The following ELP3 variants were observed in gnomAD, a reference collection of about 807,000 sequenced individuals.
ELP3 encodes the protein elongator acetyltransferase complex subunit 3.
Under a neutral mutation model 74.9 loss-of-function variants are expected in ELP3, and 56 were observed. The ratio of observed to expected loss-of-function variants is 0.75; its 90% CI spans 0.60 to 0.93. The LOEUF (loss-of-function observed/expected upper bound fraction) is 0.93, where lower values mean the gene tolerates loss of function less well. ELP3 is among the 40% of genes least tolerant of loss of function. The probability of loss-of-function intolerance (pLI) is 0.00; values close to 1 mark genes in which losing one functional copy is unlikely to be tolerated. For synonymous variants in ELP3, 222 were observed against 239.8 expected, an observed-to-expected ratio of 0.93 and a Z score of 0.68; for missense variants, 573 against 686.5, an observed-to-expected ratio of 0.83 and a Z score of 1.85.
chr8:28,132,166 A>C, intron 8 of ELP3, 112 bp from the exon 9 acceptor site: 21 of 1,133,710 alleles, frequency 1.9e-5, no homozygotes, highest in Non-Finnish European at 2.4e-5. Context: ...TACCTGTCTC[A>C]GAGATTGTTT....
At chr8:28,093,309 G>T in intron 1 of ELP3, 76 bp downstream of exon 1, 2 of 1,583,514 alleles carry the variant, frequency 1.3e-6, no homozygotes, top group Admixed American at 1.8e-5. Flanking sequence ...ATGCTGAACC[G>T]AACTTTTACC....
In ELP3 at chr8:28,129,530, A is replaced by G. The variant is rs1438573385; in HGVS notation, c.646A>G (p.Ile216Val). Reference protein sequence around the residue: ...KYSERSLTKCIGITIETRPDY... With the variant: ...KYSERSLTKCVGITIETRPDY... The stretch of plus-strand genomic sequence containing the variant: ...TTCTGAGAGAAGCCTCACAAAGTGT[A>G]TTGGAATTACTATTGAAACCAGACC... Residue 216 changes from isoleucine (I) to valine (V), a missense_variant, in exon 8 of 15, where the codon ATT (isoleucine) becomes GTT (valine). Coordinates refer to ENST00000256398, the MANE Select transcript of ELP3 (RefSeq NM_018091.6). 1 of 1,614,074 alleles carries G rather than the reference A, an allele frequency of 6.2e-7. No homozygotes were observed. Among genetic ancestry groups the G allele is most frequent in the Non-Finnish European group, 8.5e-7 (1 of 1,180,002 alleles).
chr8:28,094,061 G>A lies in ELP3; in HGVS notation c.19+828G>A, dbSNP rs1212312526. ...ATCCCTATGCTTCTTGACATTAACT[G>A]TTATTTTTCTTTCTTCCAAGCAACA... On this transcript the variant is annotated intron_variant, in intron 1 of 14. Transcript: ENST00000256398. Among the ~76,000 whole-genome samples the A allele has an allele frequency of 6.6e-5, 10 of 152,296 alleles. No individual in the cohort carries two copies. In the East Asian group the frequency reaches 1.9e-3, roughly 29 times the overall value.
intron 7 of ELP3, among the ~76,000 whole-genome samples, chr8:28,124,528 T>G (rs1812498682): frequency 6.6e-6 from 1 of 152,218 alleles, no homozygotes; most frequent in Non-Finnish European, 1.5e-5. Flanking sequence ...AACCACTTTC[T>G]GACAATCATT....
intron 3 of ELP3, among the ~76,000 whole-genome samples, chr8:28,103,613 A>T (rs1179425969): frequency 6.6e-6 from 1 of 152,224 alleles, no homozygotes; most frequent in African/African-American, 2.4e-5. Context: ...ACTTTGTAAA[A>T]AACTGCAAAC....
chr8:28,177,639 A>G (rs555410535), intron 14 of ELP3, among the ~76,000 whole-genome samples: 2 of 152,348 alleles, frequency 1.3e-5, no homozygotes, highest in Admixed American at 1.3e-4. Context: ...GGCTGTGAGA[A>G]TGTGATGTGG....
chr8:28,157,150 G>A (rs1813860658), intron 11 of ELP3, among the ~76,000 whole-genome samples: 1 of 152,050 alleles, frequency 6.6e-6, no homozygotes, highest in Non-Finnish European at 1.5e-5. Context: ...CATAAGCCTT[G>A]TTAGCCTCTA....
chr8:28,160,748 G>A (rs1384526631), intron 13 of ELP3, among the ~76,000 whole-genome samples: 1 of 151,510 alleles, frequency 6.6e-6, no homozygotes, highest in African/African-American at 2.4e-5. Flanking sequence ...AGGCCAGAGT[G>A]CAGTGGCGTG....
chr8:28,107,765 C>A, intron 4 of ELP3, 148 bp from the exon 5 acceptor site: 1 of 597,026 alleles, frequency 1.7e-6, no homozygotes, highest in Non-Finnish European at 3.0e-6. Flanking sequence ...ACATTATTTA[C>A]AGATACTGCA....
intron 6 of ELP3, 197 bp downstream of exon 6, chr8:28,110,635 T>C: frequency 1.9e-6 from 1 of 512,958 alleles, no homozygotes; most frequent in Non-Finnish European, 3.4e-6. Flanking sequence ...CTTTAAAGAC[T>C]GTATTTATTG....
chr8:28,160,588 A>G, intron 13 of ELP3, 132 bp downstream of exon 13: 1 of 758,060 alleles, frequency 1.3e-6, no homozygotes, highest in Non-Finnish European at 2.1e-6. Context: ...GAAACAGAGG[A>G]GCCAGTGTTT....
chr8:28,173,387 G>A (rs1011307285), intron 14 of ELP3, among the ~76,000 whole-genome samples: 8 of 151,796 alleles, frequency 5.3e-5, no homozygotes, highest in African/African-American at 7.2e-5. Context: ...ACATGTTGGC[G>A]TACAGTTGTT....
At chr8:28,152,317 T>C (rs766447045) in intron 10 of ELP3, among the ~76,000 whole-genome samples, 7 of 152,188 alleles carry the variant, frequency 4.6e-5, no homozygotes, top group Non-Finnish European at 7.4e-5. Flanking sequence ...GGTTGTCTTT[T>C]TGTTGTTGAG....
At chr8:28,092,368 A>C (rs561990534), upstream of ELP3, among the ~76,000 whole-genome samples, 1 of 152,212 alleles carries the variant, frequency 6.6e-6, no homozygotes, top group South Asian at 2.1e-4. Context: ...AGCTGGGATT[A>C]CAGGCGTGCA....
intron 10 of ELP3, among the ~76,000 whole-genome samples, chr8:28,143,009 G>T (rs572939684): frequency 6.6e-6 from 1 of 152,082 alleles, no homozygotes; most frequent in Non-Finnish European, 1.5e-5. Context: ...GACTGCCTGC[G>T]TAAGAACTCA....
intron 8 of ELP3, 142 bp downstream of exon 8, chr8:28,129,805 G>C (rs1812724094): frequency 2.1e-6 from 2 of 963,122 alleles, no homozygotes; most frequent in Non-Finnish European, 3.1e-6. Context: ...TCTTTCTTCT[G>C]TCTGTGTTCT....
intron 11 of ELP3, among the ~76,000 whole-genome samples, chr8:28,158,026 CT>C (rs1813903261): frequency 7.3e-6 from 1 of 137,124 alleles, no homozygotes; most frequent in African/African-American, 2.8e-5. Context: ...TCCTCCTTTC[CT>C]TTCTTCCACA....
At chr8:28,139,820 C>T (rs999481858) in intron 10 of ELP3, among the ~76,000 whole-genome samples, 3 of 152,152 alleles carry the variant, frequency 2.0e-5, no homozygotes, top group Non-Finnish European at 4.4e-5. Flanking sequence ...TGGCAGGTGC[C>T]TGTAATCCCA....
intron 14 of ELP3, among the ~76,000 whole-genome samples, chr8:28,184,646 C>T (rs563331602): frequency 2.0e-5 from 3 of 152,316 alleles, no homozygotes; most frequent in Admixed American, 2.0e-4. Flanking sequence ...TCTCTCTCAC[C>T]TCTGCAGCCA....
Sources: allele counts gnomAD v4.1 joint callset (sites outside exome capture counted in the v4.1 genomes callset), GRCh38; gene constraint gnomAD v4.1.1; transcripts MANE v1.5; gene names NCBI Gene and HGNC (gene_info 2026-07-23, HGNC 2026-07-21).